Variants in DRG2 observed in about 807,000 individuals in gnomAD.
DRG2 encodes the protein developmentally regulated GTP binding protein 2.
In DRG2, 36 loss-of-function variants were observed where a neutral mutation model predicts 53.4. The observed-to-expected ratio is 0.67, with a 90% CI of 0.52 to 0.89. The LOEUF is 0.89. DRG2 is among the 40% of genes least tolerant of loss of function. The pLI is 0.00. For missense variants in DRG2, 342 were observed against 481.2 expected, an observed-to-expected ratio of 0.71 and a Z score of 2.71; for synonymous variants, 167 against 192.1, an observed-to-expected ratio of 0.87 and a Z score of 1.08.
intron 8 of DRG2, 142 bp from the exon 9 acceptor site, chr17:18,101,779 C>T: frequency 1.6e-5 from 19 of 1,177,288 alleles, no homozygotes; most frequent in Non-Finnish European, 2.3e-5. Flanking sequence ...CCCAGCCTTC[C>T]CAACCCTGAG....
intron 2 of DRG2, chr17:18,097,428 C>G (rs1035424162): frequency 2.0e-5 from 3 of 152,226 alleles, no homozygotes; most frequent in Non-Finnish European, 4.4e-5. Flanking sequence ...TCAGGCTTCT[C>G]GTTCCTGGGG....
intron 1 of DRG2, among the ~76,000 whole-genome samples, chr17:18,089,994 C>T (rs939716229): frequency 1.3e-5 from 2 of 152,036 alleles, no homozygotes; most frequent in African/African-American, 4.8e-5. Flanking sequence ...TTCCCTCTGG[C>T]TGCTGTAATA....
chr17:18,090,954 G>A (rs2045323822), intron 1 of DRG2, among the ~76,000 whole-genome samples: 1 of 152,226 alleles, frequency 6.6e-6, no homozygotes, highest in Non-Finnish European at 1.5e-5. Flanking sequence ...TTACAGGCAT[G>A]AGCCACCATG....
rs866873175 is a variant in DRG2 at position 18,099,402 on chromosome 17, G to A, written c.377-231G>A. 9.4e-5 allele frequency: 59 copies of A among 626,538 alleles called. No homozygotes were observed. In the Middle Eastern group the frequency reaches 1.2e-3, roughly 13 times the overall value. The allele number at this position is 626,538 out of a possible 1,614,324, so 38.8% of individuals were successfully genotyped here. A position where few individuals can be genotyped will look rare whatever the true frequency, so the allele number is the denominator to read the frequency against. On this transcript the variant is annotated intron_variant, in intron 4 of 12. Coordinates refer to ENST00000225729, the MANE Select transcript of DRG2 (RefSeq NM_001388.5). The surrounding 1 kb of genome is among the most constrained non-coding windows in gnomAD (Gnocchi z 4.4). ...GCCCTGCCACATGGTAGGGGTGGGC[G>A]TAGGACAGCCGTTATTATCCTGTTA...
Position 18,099,770 on chromosome 17 carries a change from C to A in DRG2, c.467+47C>A. 1 of 1,552,302 alleles carries A rather than the reference C, an allele frequency of 6.4e-7. No homozygotes were observed. ...GCAGGCTCACATGTCTGGGGAGGGC[C>A]AATGTGTCCCTGAGCTCGTACTAGG... On this transcript the variant is annotated intron_variant, in intron 5 of 12. Transcript: ENST00000225729. The surrounding 1 kb of genome is among the most constrained non-coding windows in gnomAD (Gnocchi z 4.4).
Position 18,101,995 on chromosome 17 carries a change from C to T in DRG2, c.804C>T (p.Ile268=). The part of the protein sequence containing the change: ...RLARKPNSVV[I]SCGMKLNLDY... ...CCCGAAAACCCAACAGTGTGGTCAT[C>T]AGGTGAGGCCACTGGCATCCTGCCA... is the stretch of plus-strand genomic sequence containing the variant. The change falls in exon 9 of 13, where the codon ATC becomes ATT. Residue 268 remains isoleucine (I), a splice_region_variant and synonymous_variant. Coordinates refer to ENST00000225729, the MANE Select transcript of DRG2 (RefSeq NM_001388.5). 1 of 1,606,422 alleles carries T rather than the reference C, an allele frequency of 6.2e-7. No homozygotes were observed. Among genetic ancestry groups the T allele is most frequent in the East Asian group, 2.2e-5 (1 of 44,462 alleles).
At position 18,093,884 on chromosome 17, in the gene DRG2, A is replaced by T. The variant is rs1414666956; in HGVS notation, c.136A>T (p.Lys46Ter). The T allele has an allele frequency of 6.2e-7, 1 of 1,614,180 alleles. No homozygotes were observed. The highest frequency in any genetic ancestry group is 1.1e-5 in the South Asian group (1 of 91,080). Residue 46 changes from lysine (K) to a stop codon, truncating the protein, a stop_gained, in exon 2 of 13, where the codon AAA becomes TAA. Transcript: ENST00000225729. LOFTEE classifies it high-confidence loss of function. ...KYRAQLLEPS[K>*]SASSKGEGFD... The stretch of plus-strand genomic sequence containing the variant: ...TCGGGCCCAGCTCCTGGAACCGTCC[A>T]AATCGGCCTCGTCCAAAGGAGAGGG...
chr17:18,099,297 A>G lies in DRG2; in HGVS notation c.376+220A>G, dbSNP rs991930809. 3 of 620,618 alleles carry G rather than the reference A, an allele frequency of 4.8e-6. No individual in the cohort carries two copies. Among genetic ancestry groups the G allele is most frequent in the Non-Finnish European group, 8.5e-6 (3 of 354,862 alleles). 38.4% of individuals were successfully genotyped at this position (620,618 alleles called of 1,614,324 possible). A position where few individuals can be genotyped will look rare whatever the true frequency, so the allele number is the denominator to read the frequency against. ...GCCAAGCCTCAGTTTCCTCAGCTGT[A>G]GAATGGGCATAATAATACATAATTT... On this transcript the variant is annotated intron_variant, in intron 4 of 12. Coordinates refer to ENST00000225729, the MANE Select transcript of DRG2 (RefSeq NM_001388.5). The surrounding 1 kb of genome is among the most constrained non-coding windows in gnomAD (Gnocchi z 4.4).
chr17:18,091,826 C>G (rs1237640935), intron 1 of DRG2: 1 of 152,156 alleles, frequency 6.6e-6, no homozygotes, highest in African/African-American at 2.4e-5. Context: ...CCACAGCACT[C>G]CAGCCTGGGC....
Position 18,100,518 on chromosome 17 carries a change from T to C in DRG2, c.541-51T>C. The C allele has an allele frequency of 1.2e-6, 2 of 1,613,588 alleles. No homozygotes were observed. The highest frequency in any genetic ancestry group is 1.7e-6 in the Non-Finnish European group (2 of 1,179,464). The stretch of plus-strand genomic sequence containing the variant: ...CTGGCGGCTGAGGCTGTGGGACCAT[T>C]GCTGTGACCCCTCGGTCAGCAGTTC... On this transcript the variant is annotated intron_variant, in intron 6 of 12. Transcript: ENST00000225729. This position sits in a 1 kb window ranked among gnomAD's most constrained non-coding sequence, Gnocchi z 4.1.
At position 18,099,151 on chromosome 17, in the gene DRG2, C is replaced by T; in HGVS notation, c.376+74C>T. Reference sequence around the variant, plus strand: ...GATCGTTGAAATTGGGTGTGGCTGTCATGGAGATCACTCTGGATCCCTGGT... The same window carrying T: ...GATCGTTGAAATTGGGTGTGGCTGTTATGGAGATCACTCTGGATCCCTGGT... On this transcript the variant is annotated intron_variant, in intron 4 of 12. Transcript: ENST00000225729. The surrounding 1 kb of genome is among the most constrained non-coding windows in gnomAD (Gnocchi z 4.4). 1.3e-6 allele frequency: 2 copies of T among 1,584,402 alleles called. No individual in the cohort carries two copies. Among genetic ancestry groups the T allele is most frequent in the South Asian group, 2.2e-5 (2 of 90,264 alleles).
In DRG2 at chr17:18,098,308, G is replaced by A; in HGVS notation, c.264G>A (p.Glu88=). Residue 88 remains glutamate, a synonymous_variant, in exon 3 of 13, where the codon GAG becomes GAA. Coordinates refer to ENST00000225729, the MANE Select transcript of DRG2 (RefSeq NM_001388.5). This position sits in a 1 kb window ranked among gnomAD's most constrained non-coding sequence, Gnocchi z 4.1. Reference sequence around the variant, plus strand: ...GTCTGATGACCTCCACGGCCAGCGAGGCAGCGTCCTATGAGTTCACCACTC... The same window carrying A: ...GTCTGATGACCTCCACGGCCAGCGAAGCAGCGTCCTATGAGTTCACCACTC... The part of the protein sequence containing the change: ...FLSLMTSTAS[E]AASYEFTTLT... 1.2e-6 allele frequency: 2 copies of A among 1,614,094 alleles called. No homozygotes were observed. Among genetic ancestry groups the A allele is most frequent in the African/African-American group, 1.3e-5 (1 of 75,054 alleles).
chr17:18,097,824 T>TCAGCC, intron 2 of DRG2: 1 of 153,224 alleles, frequency 6.5e-6, no homozygotes, highest in Admixed American at 6.5e-5. Flanking sequence ...TGTCTCTGCC[T>TCAGCC]CAGCCCAGGA....
At chr17:18,092,964 A>G (rs1396699363) in intron 1 of DRG2, among the ~76,000 whole-genome samples, 1 of 152,222 alleles carries the variant, frequency 6.6e-6, no homozygotes, top group Non-Finnish European at 1.5e-5. Context: ...TAATAGTTGC[A>G]TTCCTGGGAA....
chr17:18,094,507 G>T (rs1173586863), intron 2 of DRG2, among the ~76,000 whole-genome samples: 1 of 152,124 alleles, frequency 6.6e-6, no homozygotes, highest in African/African-American at 2.4e-5. Flanking sequence ...GAACCTTCCA[G>T]ACAGAGGGAA....
chr17:18,099,064 A>G lies in DRG2; in HGVS notation c.363A>G (p.Glu121=), dbSNP rs201097940. ...IQLLDLPGII[E]GAAQGKGRGR... ...TCCTGGACCTTCCTGGAATCATTGA[A>G]GGCGCAGCCCAAGGTGGGAGGCAGG... The change falls in exon 4 of 13, where the codon GAA becomes GAG. Residue 121 remains glutamate, a synonymous_variant. Transcript: ENST00000225729. The surrounding 1 kb of genome is among the most constrained non-coding windows in gnomAD (Gnocchi z 4.4). 4.6e-5 allele frequency: 74 copies of G among 1,614,056 alleles called. No individual in the cohort carries two copies. In the East Asian group the frequency reaches 1.6e-3, roughly 36 times the overall value.
intron 12 of DRG2, 77 bp from the exon 13 acceptor site, chr17:18,107,077 C>T (rs1307689310): frequency 7.2e-7 from 1 of 1,380,066 alleles, no homozygotes; most frequent in Non-Finnish European, 1.0e-6. Flanking sequence ...CTTCAGGACA[C>T]ACACGCCCAG....
chr17:18,102,620 CAAAAA>C (rs60412520), intron 9 of DRG2, among the ~76,000 whole-genome samples: 2 of 77,978 alleles, frequency 2.6e-5, no homozygotes. Context: ...GACTCCATCT[CAAAAA>C]AAAAAAAAAA....
Position 18,098,472 on chromosome 17 carries a change from CT to C in DRG2, c.315+114del. On this transcript the variant is annotated intron_variant, in intron 3 of 12. Transcript: ENST00000225729. The surrounding 1 kb of genome is among the most constrained non-coding windows in gnomAD (Gnocchi z 4.1). The stretch of plus-strand genomic sequence containing the variant: ...GTGGATGTCCCCATGTCAGGACAGG[CT>C]CTGGACTGAGCTGCTTTGCCCTCCA... The C allele has an allele frequency of 9.4e-6, 9 of 952,532 alleles. No homozygotes were observed. The highest frequency in any genetic ancestry group is 1.5e-5 in the Non-Finnish European group (9 of 599,062). The allele number at this position is 952,532 out of a possible 1,614,324, so 59.0% of individuals were successfully genotyped here.
Sources: gnomAD v4.1 joint callset for allele counts (sites outside exome capture counted in the v4.1 genomes callset) on GRCh38, gnomAD v4.1.1 for gene constraint, Gnocchi (gnomAD v3.1) non-coding constraint, MANE v1.5 for transcripts, NCBI Gene and HGNC (gene_info 2026-07-23, HGNC 2026-07-21) for gene names.